Variants in C6 observed in about 807,000 individuals in gnomAD.
C6 encodes the protein complement C6, also known as complement component C6.
In C6, 101 loss-of-function variants were observed where a neutral mutation model predicts 112.9. The observed-to-expected ratio is 0.89, with a 90% confidence interval of 0.76 to 1.06. C6 has a LOEUF of 1.06. C6 is among the 50% of genes least tolerant of loss of function. C6 has a pLI of 0.00. For synonymous variants in C6, 431 were observed against 384.1 expected, an observed-to-expected ratio of 1.12 and a Z score of -1.43; for missense variants, 1,202 against 1,104.6, an observed-to-expected ratio of 1.09 and a Z score of -1.25.
At chr5:41,172,657 C>G in intron 8 of C6, 1 of 448,308 alleles carries the variant, frequency 2.2e-6, no homozygotes, top group Non-Finnish European at 4.1e-6. Context: ...GTCCTTGTTG[C>G]CTGCCACTTG....
At chr5:41,171,120 G>A (rs570466990) in intron 9 of C6, among the ~76,000 whole-genome samples, 1 of 152,238 alleles carries the variant, frequency 6.6e-6, no homozygotes, top group South Asian at 2.1e-4. Flanking sequence ...AATACTGAAT[G>A]GAAAGTTTGC....
chr5:41,154,917 T>C (rs1046368690), intron 14 of C6, 55 bp downstream of exon 14: 18 of 1,568,698 alleles, frequency 1.1e-5, no homozygotes, highest in Admixed American at 1.7e-5. Flanking sequence ...TGTTTTTATA[T>C]TGGGCACATT....
chr5:41,216,436 A>C (rs1047266480), upstream of C6, among the ~76,000 whole-genome samples: 1 of 151,906 alleles, frequency 6.6e-6, no homozygotes, highest in African/African-American at 2.4e-5. Context: ...TTTTATCCTC[A>C]CCCCTTTTCT....
At chr5:41,206,971 A>G (rs1751486977) in intron 1 of C6, among the ~76,000 whole-genome samples, 1 of 152,246 alleles carries the variant, frequency 6.6e-6, no homozygotes, top group African/African-American at 2.4e-5. Context: ...AAGGGCAGCC[A>G]GAGAGAAAGG....
intron 1 of C6, among the ~76,000 whole-genome samples, chr5:41,228,711 A>C (rs990053838): frequency 1.3e-5 from 2 of 152,144 alleles, no homozygotes; most frequent in Non-Finnish European, 2.9e-5. Flanking sequence ...TATTGAGATG[A>C]TAATATGGTT....
chr5:41,172,361 T>C lies in C6; in HGVS notation c.1169-14A>G. ...CCTCGGTTAAACCTAGGAGATGAAG[T>C]ACAAACAGAAACCACTGAGAATGCA... On this transcript the variant is annotated splice_polypyrimidine_tract_variant and intron_variant, in intron 8 of 17. Transcript: ENST00000337836. 1 of 1,613,094 alleles carries C rather than the reference T, an allele frequency of 6.2e-7. No individual in the cohort carries two copies. The highest frequency in any genetic ancestry group is 8.5e-7 in the Non-Finnish European group (1 of 1,179,352).
At chr5:41,189,737 G>A (rs2150341894) in intron 5 of C6, among the ~76,000 whole-genome samples, 1 of 152,024 alleles carries the variant, frequency 6.6e-6, no homozygotes, top group South Asian at 2.1e-4. Flanking sequence ...CTGTAATTTT[G>A]TAACCTTTAA....
intron 1 of C6, among the ~76,000 whole-genome samples, chr5:41,249,650 T>C (rs952960861): frequency 6.6e-6 from 1 of 152,228 alleles, no homozygotes; most frequent in African/African-American, 2.4e-5. Context: ...GCTCAATCTA[T>C]CATACCTTCG....
intron 17 of C6, among the ~76,000 whole-genome samples, chr5:41,144,795 C>A (rs1745663934): frequency 6.6e-6 from 1 of 152,116 alleles, no homozygotes; most frequent in Admixed American, 6.6e-5. Flanking sequence ...TCCGTATGTT[C>A]TCATTGTTTA....
intron 9 of C6, among the ~76,000 whole-genome samples, chr5:41,164,845 A>G (rs1370091143): frequency 6.6e-6 from 1 of 152,128 alleles, no homozygotes; most frequent in African/African-American, 2.4e-5. Context: ...TTTATACTGA[A>G]GTATAATATT....
chr5:41,144,784 G>A (rs1745662189), intron 17 of C6, among the ~76,000 whole-genome samples: 1 of 152,054 alleles, frequency 6.6e-6, no homozygotes, highest in Admixed American at 6.6e-5. Flanking sequence ...ATTTCTTTGT[G>A]TCCGTATGTT....
At chr5:41,217,277 C>T (rs11749466), upstream of C6, among the ~76,000 whole-genome samples, 20,090 of 152,012 alleles carry the variant, frequency 0.13, 1,552 homozygotes, top group African/African-American at 0.22. Flanking sequence ...TTACTATTGC[C>T]GGATATTATG....
chr5:41,161,623 G>T, intron 10 of C6, 70 bp downstream of exon 10: 1 of 1,190,972 alleles, frequency 8.4e-7, no homozygotes, highest in South Asian at 1.2e-5. Flanking sequence ...AAAATAAATT[G>T]TGTGATGTGC....
chr5:41,232,332 G>T (rs1739957988), intron 1 of C6, among the ~76,000 whole-genome samples: 1 of 152,088 alleles, frequency 6.6e-6, no homozygotes, highest in African/African-American at 2.4e-5. Flanking sequence ...GCTCTGATCT[G>T]CTGCTCTGTG....
At chr5:41,212,317 C>A (rs1751997138) in intron 1 of C6, among the ~76,000 whole-genome samples, 2 of 152,028 alleles carry the variant, frequency 1.3e-5, no homozygotes, top group Admixed American at 1.3e-4. Context: ...CCTGCCACCA[C>A]ACCCAGCTAA....
At chr5:41,158,153 G>A (rs1747095965) in intron 13 of C6, among the ~76,000 whole-genome samples, 2 of 151,936 alleles carry the variant, frequency 1.3e-5, no homozygotes, top group African/African-American at 2.4e-5. Flanking sequence ...CTGACAAAAT[G>A]TATTCAGCTT....
chr5:41,158,832 C>CAT, intron 12 of C6, 47 bp from the exon 13 acceptor site: 1 of 1,134,540 alleles, frequency 8.8e-7, no homozygotes, highest in Non-Finnish European at 1.3e-6. Context: ...TATGTACACA[C>CAT]ATTTACATGT....
chr5:41,186,364 A>G (rs1263704478), intron 5 of C6, 156 bp from the exon 6 acceptor site: 2 of 728,490 alleles, frequency 2.7e-6, no homozygotes, highest in Non-Finnish European at 4.6e-6. Flanking sequence ...TTCCTAGTCC[A>G]TGGTGAGGCA....
rs1024640853 is a variant in C6 at position 41,221,349 on chromosome 5, G to C, written c.-20-18099C>G. Among the ~76,000 whole-genome samples, 7 of 152,178 alleles carry C rather than the reference G, an allele frequency of 4.6e-5. No homozygotes were observed. The East Asian group carries it at 1.4e-3, about 29-fold the overall frequency. ...AAAAGGATGAAAATTGATGTTCGTG[G>C]GGTTGGTGAAATATTCTCAGTTATT... On this transcript the variant is annotated intron_variant, in intron 1 of 17. Transcript: ENST00000263413.
Sources: gnomAD v4.1 joint callset for allele counts (sites outside exome capture counted in the v4.1 genomes callset) on GRCh38, gnomAD v4.1.1 for gene constraint, MANE v1.5 for transcripts, NCBI Gene and HGNC (gene_info 2026-07-23, HGNC 2026-07-21) for gene names.